The following DIAPH2 variants were observed in gnomAD, a reference collection of about 807,000 sequenced individuals.
DIAPH2 encodes protein diaphanous homolog 2.
A neutral mutation model predicts 92.7 loss-of-function variants in DIAPH2; 35 were observed. The ratio of observed to expected loss-of-function variants is 0.38; its 90% CI spans 0.29 to 0.50. DIAPH2 has a LOEUF of 0.50. Among genes scored for constraint, DIAPH2 ranks in the 20% least tolerant of loss-of-function variants. The pLI, the probability that DIAPH2 is intolerant of heterozygous loss-of-function variation, is 0.94. For synonymous variants in DIAPH2, 301 were observed against 280.4 expected, an observed-to-expected ratio of 1.07 and a Z score of -0.73; for missense variants, 701 against 819.5, an observed-to-expected ratio of 0.86 and a Z score of 1.77.
chrX:97,033,978 T>A (rs1264654425), intron 17 of DIAPH2, among the ~76,000 whole-genome samples: 1 of 111,668 alleles, frequency 9.0e-6, no homozygotes, highest in African/African-American at 3.2e-5. Context: ...CTTAAAGCCA[T>A]CTTCTTATTA....
intron 19 of DIAPH2, among the ~76,000 whole-genome samples, chrX:97,096,192 C>T (rs923145716): frequency 8.9e-6 from 1 of 112,184 alleles, no homozygotes; most frequent in African/African-American, 3.2e-5. Flanking sequence ...TCACTTATAG[C>T]GAGCATAGAG....
intron 22 of DIAPH2, among the ~76,000 whole-genome samples, chrX:97,198,646 T>G (rs1052821147): frequency 1.7e-4 from 19 of 111,618 alleles, no homozygotes; most frequent in Non-Finnish European, 2.4e-4. Context: ...TCCATTAAAA[T>G]TATAACATCT....
intron 22 of DIAPH2, among the ~76,000 whole-genome samples, chrX:97,227,487 A>G (rs2067974266): frequency 8.9e-6 from 1 of 112,127 alleles, no homozygotes; most frequent in Non-Finnish European, 1.9e-5. Context: ...TACTAGGCCC[A>G]TTGAGAAGTA....
At chrX:97,439,443 C>T (rs949117850) in intron 26 of DIAPH2, among the ~76,000 whole-genome samples, 5 of 110,256 alleles carry the variant, frequency 4.5e-5, no homozygotes, top group Non-Finnish European at 7.6e-5. Flanking sequence ...CGTGGTGGCA[C>T]GCGCCTGTAA....
intron 22 of DIAPH2, among the ~76,000 whole-genome samples, chrX:97,154,049 G>T (rs1424650541): frequency 8.9e-6 from 1 of 111,855 alleles, no homozygotes; most frequent in Non-Finnish European, 1.9e-5. Flanking sequence ...TTTCTTTTAT[G>T]TGCATTTTAA....
intron 17 of DIAPH2, among the ~76,000 whole-genome samples, chrX:97,000,859 T>A (rs1427002130): frequency 9.0e-6 from 1 of 111,401 alleles, no homozygotes; most frequent in Admixed American, 9.5e-5. Flanking sequence ...AATTTGTTTT[T>A]TCTCACTTAT....
chrX:96,863,097 G>A (rs2065081379), intron 4 of DIAPH2, among the ~76,000 whole-genome samples: 1 of 110,202 alleles, frequency 9.1e-6, no homozygotes, highest in Admixed American at 9.8e-5. Flanking sequence ...TGTGTCCTGG[G>A]TCTTTAACAA....
Position 96,757,018 on chromosome X carries a change from C to T in DIAPH2, c.343-1136C>T, listed in dbSNP as rs181787733. On this transcript the variant is annotated intron_variant, in intron 3 of 26. Coordinates refer to ENST00000324765, the MANE Select transcript of DIAPH2 (RefSeq NM_006729.5). ...CTGCAAGCTCTGCCTCCTGGGTTTGCGCCATTCTCCTGCCTCAGCTTCCTG... is the reference window on the plus strand; with the variant it reads ...CTGCAAGCTCTGCCTCCTGGGTTTGTGCCATTCTCCTGCCTCAGCTTCCTG... Among the ~76,000 whole-genome samples, 1,465 of 101,284 alleles carry T rather than the reference C, an allele frequency of 0.014. 105 individuals carry two copies. The Admixed American group carries it at 0.15, about 10-fold the overall frequency. 88.0% of individuals were successfully genotyped at this position (101,284 alleles called of 115,157 possible). A position where few individuals can be genotyped will look rare whatever the true frequency, so the allele number is the denominator to read the frequency against.
intron 4 of DIAPH2, among the ~76,000 whole-genome samples, chrX:96,830,364 G>A (rs1161284642): frequency 1.8e-5 from 2 of 109,507 alleles, no homozygotes; most frequent in African/African-American, 6.6e-5. Flanking sequence ...GAGGTCAGGA[G>A]ATCGAGACCA....
chrX:96,884,910 C>G, intron 5 of DIAPH2: 1 of 1,211,248 alleles, frequency 8.3e-7, no homozygotes, highest in Non-Finnish European at 1.1e-6. Context: ...ACCGCAATTT[C>G]ATCCAGGACG....
intron 26 of DIAPH2, among the ~76,000 whole-genome samples, chrX:97,550,451 TG>T (rs1387107361): frequency 5.5e-4 from 62 of 112,419 alleles, no homozygotes; most frequent in Non-Finnish European, 9.4e-5. Context: ...TTGTTCATTC[TG>T]GAGTTGAGCA....
chrX:97,325,166 A>C (rs1445025969), intron 23 of DIAPH2, among the ~76,000 whole-genome samples: 1 of 112,113 alleles, frequency 8.9e-6, no homozygotes, highest in African/African-American at 3.2e-5. Flanking sequence ...CCTGGTGATG[A>C]CCATTGTTAT....
intron 26 of DIAPH2, among the ~76,000 whole-genome samples, chrX:97,490,958 T>A (rs1023323128): frequency 9.0e-6 from 1 of 110,530 alleles, no homozygotes; most frequent in East Asian, 2.8e-4. Context: ...GTTTCCTTAT[T>A]GATTTTTTTT....
intron 1 of DIAPH2, among the ~76,000 whole-genome samples, chrX:96,690,343 A>G (rs1246430900): frequency 9.0e-6 from 1 of 111,482 alleles, no homozygotes; most frequent in Non-Finnish European, 1.9e-5. Context: ...TCTTTGATTA[A>G]TGTTTGCCAG....
chrX:97,406,110 T>C (rs2069807559), intron 25 of DIAPH2, among the ~76,000 whole-genome samples: 1 of 112,079 alleles, frequency 8.9e-6, no homozygotes, highest in African/African-American at 3.2e-5. Context: ...GTTGGTTAAT[T>C]TATCAGTCTT....
At chrX:97,555,710 GT>G (rs1285172951) in intron 26 of DIAPH2, among the ~76,000 whole-genome samples, 1 of 111,865 alleles carries the variant, frequency 8.9e-6, no homozygotes, top group Non-Finnish European at 1.9e-5. Flanking sequence ...ATAAAACTCT[GT>G]GTCAAAGCCT....
At chrX:97,382,359 G>A (rs1168032778) in intron 24 of DIAPH2, among the ~76,000 whole-genome samples, 3 of 112,257 alleles carry the variant, frequency 2.7e-5, no homozygotes, top group Non-Finnish European at 3.8e-5. Context: ...GGGAGGCCAA[G>A]CCGGGCTTAT....
At chrX:97,043,322 A>G (rs990828591) in intron 17 of DIAPH2, among the ~76,000 whole-genome samples, 1 of 111,230 alleles carries the variant, frequency 9.0e-6, no homozygotes, top group South Asian at 3.8e-4. Flanking sequence ...TCACCTGAGT[A>G]ATGTTTTAGT....
At chrX:96,936,602 A>C (rs772945193) in intron 10 of DIAPH2, among the ~76,000 whole-genome samples, 1 of 112,015 alleles carries the variant, frequency 8.9e-6, no homozygotes, top group African/African-American at 3.2e-5. Flanking sequence ...ATGTGCTTAT[A>C]ATGTATTACA....
Sources: allele counts gnomAD v4.1 joint callset (sites outside exome capture counted in the v4.1 genomes callset), GRCh38; gene constraint gnomAD v4.1.1; transcripts MANE v1.5; gene names NCBI Gene and HGNC (gene_info 2026-07-23, HGNC 2026-07-21).